The following KCNQ1OT1 variants were observed in gnomAD, a reference collection of about 807,000 sequenced individuals.
KCNQ1OT1 encodes the protein KCNQ1 antisense RNA 2 (non-protein coding).
In KCNQ1OT1 at chr11:2,696,642, T is replaced by C. The variant is rs1590038467; in HGVS notation, n.3353A>G. The C allele has an allele frequency of 5.5e-5, 22 of 398,658 alleles. No individual in the cohort carries two copies. The East Asian group carries it at 7.8e-4, about 14-fold the overall frequency. The allele number at this position is 398,658 out of a possible 1,614,324, so 24.7% of individuals were successfully genotyped here. A position where few individuals can be genotyped will look rare whatever the true frequency, so the allele number is the denominator to read the frequency against. On this transcript the variant is annotated non_coding_transcript_exon_variant, in exon 1 of 1. Coordinates refer to ENST00000597346, the Ensembl canonical transcript of KCNQ1OT1. The stretch of plus-strand genomic sequence containing the variant: ...TGGAGTCCTGTTGAACTTAACAGAT[T>C]TGGAAAATCCTGACGTCATTCTAAT...
In KCNQ1OT1 at chr11:2,659,906, A is replaced by G. The variant is rs1366745445; in HGVS notation, n.40089T>C. 2.5e-6 allele frequency: 1 copy of G among 398,168 alleles called. No homozygotes were observed. Among genetic ancestry groups the G allele is most frequent in the African/African-American group, 2.1e-5 (1 of 48,558 alleles). The allele number at this position is 398,168 out of a possible 1,614,324, so 24.7% of individuals were successfully genotyped here. A position where few individuals can be genotyped will look rare whatever the true frequency, so the allele number is the denominator to read the frequency against. On this transcript the variant is annotated non_coding_transcript_exon_variant, in exon 1 of 1. Transcript: ENST00000597346. The surrounding 1 kb of genome is among the most constrained non-coding windows in gnomAD (Gnocchi z 4.3). Reference sequence around the variant, plus strand: ...AATTGGATTGTTCACTTTATTGTCAAGTTGTAAGCATTCTTTATATATTCT... The same window carrying G: ...AATTGGATTGTTCACTTTATTGTCAGGTTGTAAGCATTCTTTATATATTCT...
chr11:2,682,601 T>A lies in KCNQ1OT1; in HGVS notation n.17394A>T. ...GGCAACCCAAGGCTGGTCTGGAGAG[T>A]GTAAGGCTTGAGAGCTCTTCTTCAG... On this transcript the variant is annotated non_coding_transcript_exon_variant, in exon 1 of 1. Coordinates refer to ENST00000597346, the Ensembl canonical transcript of KCNQ1OT1. The surrounding 1 kb of genome is among the most constrained non-coding windows in gnomAD (Gnocchi z 5.8). 1 of 398,164 alleles carries A rather than the reference T, an allele frequency of 2.5e-6. No homozygotes were observed. Among genetic ancestry groups the A allele is most frequent in the Non-Finnish European group, 4.4e-6 (1 of 225,984 alleles). The allele number at this position is 398,164 out of a possible 1,614,324, so 24.7% of individuals were successfully genotyped here.
chr11:2,627,954 G>A lies in KCNQ1OT1; in HGVS notation n.72041C>T. The A allele has an allele frequency of 2.5e-6, 1 of 398,506 alleles. No individual in the cohort carries two copies. The highest frequency in any genetic ancestry group is 4.4e-6 in the Non-Finnish European group (1 of 226,058). 24.7% of individuals were successfully genotyped at this position (398,506 alleles called of 1,614,324 possible). A position where few individuals can be genotyped will look rare whatever the true frequency, so the allele number is the denominator to read the frequency against. On this transcript the variant is annotated non_coding_transcript_exon_variant, in exon 1 of 1. Transcript: ENST00000597346. The surrounding 1 kb of genome is among the most constrained non-coding windows in gnomAD (Gnocchi z 4.9). Reference sequence around the variant, plus strand: ...TTATGTAGAGATAGGGTATCACTATGTTTCCTAGGCTGGTCTCAAACTCCT... The same window carrying A: ...TTATGTAGAGATAGGGTATCACTATATTTCCTAGGCTGGTCTCAAACTCCT...
Position 2,659,624 on chromosome 11 carries a change from C to G in KCNQ1OT1, n.40371G>C, listed in dbSNP as rs552075199. On this transcript the variant is annotated non_coding_transcript_exon_variant, in exon 1 of 1. Transcript: ENST00000597346. The surrounding 1 kb of genome is among the most constrained non-coding windows in gnomAD (Gnocchi z 4.3). Reference sequence around the variant, plus strand: ...CAATTCACTTGGGTGGGAAAGGAACCGATAGGTCATGTGGTATGTGTATGT... The same window carrying G: ...CAATTCACTTGGGTGGGAAAGGAACGGATAGGTCATGTGGTATGTGTATGT... 1 of 398,308 alleles carries G rather than the reference C, an allele frequency of 2.5e-6. No homozygotes were observed. The highest frequency in any genetic ancestry group is 4.4e-6 in the Non-Finnish European group (1 of 226,028). The allele number at this position is 398,308 out of a possible 1,614,324, so 24.7% of individuals were successfully genotyped here.
rs1850667201 is a variant in KCNQ1OT1 at position 2,695,851 on chromosome 11, AT to A, written n.4143del. On this transcript the variant is annotated non_coding_transcript_exon_variant, in exon 1 of 1. Transcript: ENST00000597346. The surrounding 1 kb of genome is among the most constrained non-coding windows in gnomAD (Gnocchi z 5.2). ...TCTGATAACTGATTAGCTTGGGCAA[AT>A]TTTCATCTGTTTGTTAACCCTCCTG... The A allele has an allele frequency of 2.5e-6, 1 of 398,414 alleles. No individual in the cohort carries two copies. The highest frequency in any genetic ancestry group is 4.4e-6 in the Non-Finnish European group (1 of 226,028). The allele number at this position is 398,414 out of a possible 1,614,324, so 24.7% of individuals were successfully genotyped here.
In KCNQ1OT1 at chr11:2,669,200, T is replaced by C; in HGVS notation, n.30795A>G. 2 of 398,704 alleles carry C rather than the reference T, an allele frequency of 5.0e-6. No individual in the cohort carries two copies. The highest frequency in any genetic ancestry group is 4.4e-5 in the Admixed American group (1 of 22,742). 24.7% of individuals were successfully genotyped at this position (398,704 alleles called of 1,614,324 possible). A position where few individuals can be genotyped will look rare whatever the true frequency, so the allele number is the denominator to read the frequency against. The stretch of plus-strand genomic sequence containing the variant: ...GACCTTGCTTCCTTCTCACTGTAGT[T>C]TGCTAACAGGTTTTGACAGCTGGTC... On this transcript the variant is annotated non_coding_transcript_exon_variant, in exon 1 of 1. Coordinates refer to ENST00000597346, the Ensembl canonical transcript of KCNQ1OT1. This position sits in a 1 kb window ranked among gnomAD's most constrained non-coding sequence, Gnocchi z 5.6.
Position 2,686,231 on chromosome 11 carries a change from C to T in KCNQ1OT1, n.13764G>A, listed in dbSNP as rs192544617. 1.5e-5 allele frequency: 6 copies of T among 398,774 alleles called. No homozygotes were observed. The East Asian group carries it at 2.1e-4, about 14-fold the overall frequency. 24.7% of individuals were successfully genotyped at this position (398,774 alleles called of 1,614,324 possible). A position where few individuals can be genotyped will look rare whatever the true frequency, so the allele number is the denominator to read the frequency against. ...CCAACCTAGCTGTGTGACCTTTAGGCCTTGGGATAGCACACAGCAAATGTC... is the reference window on the plus strand; with the variant it reads ...CCAACCTAGCTGTGTGACCTTTAGGTCTTGGGATAGCACACAGCAAATGTC... On this transcript the variant is annotated non_coding_transcript_exon_variant, in exon 1 of 1. Transcript: ENST00000597346.
At position 2,687,442 on chromosome 11, in the gene KCNQ1OT1, A is replaced by G. The variant is rs1186592990; in HGVS notation, n.12553T>C. 2.5e-6 allele frequency: 1 copy of G among 398,602 alleles called. No homozygotes were observed. Among genetic ancestry groups the G allele is most frequent in the Non-Finnish European group, 4.4e-6 (1 of 226,216 alleles). The allele number at this position is 398,602 out of a possible 1,614,324, so 24.7% of individuals were successfully genotyped here. A position where few individuals can be genotyped will look rare whatever the true frequency, so the allele number is the denominator to read the frequency against. On this transcript the variant is annotated non_coding_transcript_exon_variant, in exon 1 of 1. Transcript: ENST00000597346. The surrounding 1 kb of genome is among the most constrained non-coding windows in gnomAD (Gnocchi z 5.0). ...TGTGTCCACCCAGCTGTCCATACAG[A>G]TCCCTGCCTGCACAAGAGCTGCTGC...
Position 2,620,387 on chromosome 11 carries a change from T to C in KCNQ1OT1, n.79608A>G, listed in dbSNP as rs577994231. The C allele has an allele frequency of 3.8e-4, 82 of 213,232 alleles. No homozygotes were observed. Among genetic ancestry groups the C allele is most frequent in the African/African-American group, 1.8e-3 (80 of 43,722 alleles). 13.2% of individuals were successfully genotyped at this position (213,232 alleles called of 1,614,324 possible). On this transcript the variant is annotated non_coding_transcript_exon_variant, in exon 1 of 1. Transcript: ENST00000597346. This position sits in a 1 kb window ranked among gnomAD's most constrained non-coding sequence, Gnocchi z 4.5. ...ATGCGCCACCACGTCCAGCTAATTT[T>C]GTAGTTTTAGTAGAGACAGGGTTTT...
rs552402524 is a variant in KCNQ1OT1, at chr11:2,698,587, G to A, written n.1408C>T. 2.0e-5 allele frequency: 8 copies of A among 397,910 alleles called. No individual in the cohort carries two copies. The East Asian group carries it at 2.1e-4, about 11-fold the overall frequency. 24.6% of individuals were successfully genotyped at this position (397,910 alleles called of 1,614,324 possible). The stretch of plus-strand genomic sequence containing the variant: ...TCCTGACTCAGAATCCCCACCTAGA[G>A]GCAGAACTTCGACTTCAATTCCTGA... On this transcript the variant is annotated non_coding_transcript_exon_variant, in exon 1 of 1. Transcript: ENST00000597346. This position sits in a 1 kb window ranked among gnomAD's most constrained non-coding sequence, Gnocchi z 5.1.
At position 2,652,333 on chromosome 11, in the gene KCNQ1OT1, T is replaced by G. The variant is rs1022652770; in HGVS notation, n.47662A>C. On this transcript the variant is annotated non_coding_transcript_exon_variant, in exon 1 of 1. Transcript: ENST00000597346. The surrounding 1 kb of genome is among the most constrained non-coding windows in gnomAD (Gnocchi z 5.9). Reference sequence around the variant, plus strand: ...TTGATTATTGTGTGAAGTTAAGAACTGGCACATTTCCGCGATGTTGTGATG... The same window carrying G: ...TTGATTATTGTGTGAAGTTAAGAACGGGCACATTTCCGCGATGTTGTGATG... 2.5e-6 allele frequency: 1 copy of G among 398,562 alleles called. No individual in the cohort carries two copies. Among genetic ancestry groups the G allele is most frequent in the Non-Finnish European group, 4.4e-6 (1 of 226,078 alleles). 24.7% of individuals were successfully genotyped at this position (398,562 alleles called of 1,614,324 possible).
exon 1 of KCNQ1OT1, chr11:2,672,129 C>T: frequency 1.3e-5 from 5 of 398,748 alleles, no homozygotes; most frequent in Non-Finnish European, 2.2e-5. Flanking sequence ...CCCACCTAAT[C>T]CTCCCTCTTT....
At chr11:2,685,583 A>G (rs2133885648) in exon 1 of KCNQ1OT1, 1 of 398,690 alleles carries the variant, frequency 2.5e-6, no homozygotes. Context: ...CATACAGCAC[A>G]TGACAGGAAG....
Position 2,662,004 on chromosome 11 carries a change from C to A in KCNQ1OT1, n.37991G>T, listed in dbSNP as rs1849965957. ...TGCTGGAAGTGAGCATGCCCCATTT[C>A]ATGAGAACCAACAGCTTCGCCGAGG... On this transcript the variant is annotated non_coding_transcript_exon_variant, in exon 1 of 1. Coordinates refer to ENST00000597346, the Ensembl canonical transcript of KCNQ1OT1. The A allele has an allele frequency of 1.2e-6, 2 of 1,614,236 alleles. No individual in the cohort carries two copies. Among genetic ancestry groups the A allele is most frequent in the Non-Finnish European group, 1.7e-6 (2 of 1,180,034 alleles).
At chr11:2,655,226 C>T (rs1019390084) in exon 1 of KCNQ1OT1, 3 of 398,488 alleles carry the variant, frequency 7.5e-6, no homozygotes, top group Non-Finnish European at 1.3e-5. Flanking sequence ...TCGCCACGCC[C>T]GAGGCTGCCT....
chr11:2,683,483 T>C lies in KCNQ1OT1; in HGVS notation n.16512A>G. The stretch of plus-strand genomic sequence containing the variant: ...GATTCCATCAATGACAGTTTTCCTA[T>C]TAAAACATAACTTGTTAAAGCATAG... On this transcript the variant is annotated non_coding_transcript_exon_variant, in exon 1 of 1. Transcript: ENST00000597346. This position sits in a 1 kb window ranked among gnomAD's most constrained non-coding sequence, Gnocchi z 4.7. 2.5e-6 allele frequency: 1 copy of C among 398,640 alleles called. No homozygotes were observed. Among genetic ancestry groups the C allele is most frequent in the South Asian group, 1.3e-4 (1 of 7,862 alleles). 24.7% of individuals were successfully genotyped at this position (398,640 alleles called of 1,614,324 possible).
chr11:2,664,434 C>A lies in KCNQ1OT1; in HGVS notation n.35561G>T, dbSNP rs905309467. Reference sequence around the variant, plus strand: ...CACGTACAGTGTCAGGGCCTAGGAACCCAGGCTCCTCTGGGATACAGGCTG... The same window carrying A: ...CACGTACAGTGTCAGGGCCTAGGAAACCAGGCTCCTCTGGGATACAGGCTG... On this transcript the variant is annotated non_coding_transcript_exon_variant, in exon 1 of 1. Transcript: ENST00000597346. The surrounding 1 kb of genome is among the most constrained non-coding windows in gnomAD (Gnocchi z 5.1). 4 of 398,496 alleles carry A rather than the reference C, an allele frequency of 1.0e-5. No homozygotes were observed. The highest frequency in any genetic ancestry group is 4.4e-5 in the Admixed American group (1 of 22,710). The allele number at this position is 398,496 out of a possible 1,614,324, so 24.7% of individuals were successfully genotyped here.
At chr11:2,693,578 T>C (rs936077019) in exon 1 of KCNQ1OT1, 1 of 398,564 alleles carries the variant, frequency 2.5e-6, no homozygotes, top group Non-Finnish European at 4.4e-6. Flanking sequence ...GCAGGGATTC[T>C]TCCATAAATG....
chr11:2,617,603 G>C lies in KCNQ1OT1; in HGVS notation n.82392C>G. On this transcript the variant is annotated non_coding_transcript_exon_variant, in exon 1 of 1. Coordinates refer to ENST00000597346, the Ensembl canonical transcript of KCNQ1OT1. The surrounding 1 kb of genome is among the most constrained non-coding windows in gnomAD (Gnocchi z 4.6). ...TAGAAGAGGGATTAGTGGGTCAGAT[G>C]ATAGTATATTTTCAATTTCTTTAGG... is the stretch of plus-strand genomic sequence containing the variant. 1 of 398,406 alleles carries C rather than the reference G, an allele frequency of 2.5e-6. No individual in the cohort carries two copies. Among genetic ancestry groups the C allele is most frequent in the Non-Finnish European group, 4.4e-6 (1 of 225,956 alleles). The allele number at this position is 398,406 out of a possible 1,614,324, so 24.7% of individuals were successfully genotyped here. A position where few individuals can be genotyped will look rare whatever the true frequency, so the allele number is the denominator to read the frequency against.
Sources: gnomAD v4.1 joint callset for allele counts on GRCh38, gnomAD v4.1.1 for gene constraint, Gnocchi (gnomAD v3.1) non-coding constraint, MANE v1.5 for transcripts, NCBI Gene and HGNC (gene_info 2026-07-23, HGNC 2026-07-21) for gene names.